The following RAI1 variants were observed in gnomAD, a reference collection of about 807,000 sequenced individuals.
The protein encoded by RAI1 is retinoic acid-induced protein 1.
In RAI1, 9 loss-of-function variants were observed where a neutral mutation model predicts 123.8. The observed-to-expected ratio is 0.07, with a 90% CI of 0.04 to 0.13. The LOEUF is 0.13. Among genes scored for constraint, RAI1 ranks in the 10% least tolerant of loss-of-function variants. The pLI is 1.00. For synonymous variants in RAI1, 1,231 were observed against 1,127.3 expected, an observed-to-expected ratio of 1.09 and a Z score of -1.84; for missense variants, 2,256 against 2,545.8, an observed-to-expected ratio of 0.89 and a Z score of 2.45.
chr17:17,808,365 T>A (rs886790617), intron 4 of RAI1, among the ~76,000 whole-genome samples: 2 of 150,782 alleles, frequency 1.3e-5, no homozygotes, highest in Non-Finnish European at 1.5e-5. Flanking sequence ...TTAAATTTTA[T>A]TTTATTTTAT....
chr17:17,689,004 G>A (rs937592577), intron 1 of RAI1, among the ~76,000 whole-genome samples: 2 of 151,026 alleles, frequency 1.3e-5, no homozygotes, highest in African/African-American at 4.9e-5. Context: ...CGCCCAGACT[G>A]GAGTGCAGTG....
Position 17,800,186 on chromosome 17 carries a change from C to CTCTG in RAI1, c.5565+1676_5565+1677insGTCT, listed in dbSNP as rs59561809. On this transcript the variant is annotated intron_variant, in intron 3 of 5. Transcript: ENST00000353383. This position sits in a 1 kb window ranked among gnomAD's most constrained non-coding sequence, Gnocchi z 4.7. The stretch of plus-strand genomic sequence containing the variant: ...CTGCTTTCTGTCTCTCTCTGTCTCT[C>CTCTG]TCTCTCTCTCTCTCTCTCTCTCTCT... 8.9e-3 allele frequency among the ~76,000 whole-genome samples: 496 copies of CTCTG among 55,492 alleles called. 2 individuals carry two copies. Among genetic ancestry groups the CTCTG allele is most frequent in the East Asian group, 0.059 (18 of 304 alleles). The allele number at this position is 55,492 out of a possible 152,430, so 36.4% of individuals were successfully genotyped here. A position where few individuals can be genotyped will look rare whatever the true frequency, so the allele number is the denominator to read the frequency against.
chr17:17,729,192 G>A (rs1035935240), intron 2 of RAI1, among the ~76,000 whole-genome samples: 2 of 152,236 alleles, frequency 1.3e-5, no homozygotes, highest in Admixed American at 6.5e-5. Context: ...TATCCACACT[G>A]CTGGGTACCT....
rs143628855 is a variant in RAI1, at chr17:17,811,251, A to T, written c.*1270A>T. The T allele has an allele frequency of 2.2e-3, 725 of 330,704 alleles. 2 individuals are homozygous for T. The highest frequency in any genetic ancestry group is 0.015 in the African/African-American group (656 of 45,122). 20.5% of individuals were successfully genotyped at this position (330,704 alleles called of 1,614,324 possible). A position where few individuals can be genotyped will look rare whatever the true frequency, so the allele number is the denominator to read the frequency against. On this transcript the variant is annotated 3_prime_UTR_variant, in exon 6 of 6. Transcript: ENST00000353383. ...TTATATAGTGTATATATATGTATAC[A>T]TATACATATATATAATATATATGAA...
Position 17,793,432 on chromosome 17 carries a change from G to A in RAI1, c.484G>A (p.Ala162Thr), listed in dbSNP as rs781632642. ...CAGCAGGCAGTATGCAGAGCAGGGC[G>A]CCCAGGTGCCCTTTCGGACTCACTC... is the stretch of plus-strand genomic sequence containing the variant. ...PPSRQYAEQG[A>T]QVPFRTHSLH... Residue 162 changes from alanine to threonine, a missense_variant, in exon 3 of 6, where the codon GCC (alanine) becomes ACC (threonine). By Grantham distance (58) the Ala-to-Thr change is moderately conservative. Transcript: ENST00000353383. 1.5e-5 allele frequency: 25 copies of A among 1,613,122 alleles called. No homozygotes were observed. The highest frequency in any genetic ancestry group is 8.8e-5 in the South Asian group (8 of 91,024).
chr17:17,800,180 G>GTCTCTGTCTCTC lies in RAI1; in HGVS notation c.5565+1672_5565+1673insGTCTCTCTCTCT, dbSNP rs2032405799. On this transcript the variant is annotated intron_variant, in intron 3 of 5. Transcript: ENST00000353383. This position sits in a 1 kb window ranked among gnomAD's most constrained non-coding sequence, Gnocchi z 4.7. The stretch of plus-strand genomic sequence containing the variant: ...TCTCTCCTGCTTTCTGTCTCTCTCT[G>GTCTCTGTCTCTC]TCTCTCTCTCTCTCTCTCTCTCTCT... 1.7e-5 allele frequency among the ~76,000 whole-genome samples: 2 copies of GTCTCTGTCTCTC among 116,318 alleles called. No homozygotes were observed. Among genetic ancestry groups the GTCTCTGTCTCTC allele is most frequent in the African/African-American group, 6.0e-5 (2 of 33,338 alleles). The allele number at this position is 116,318 out of a possible 152,430, so 76.3% of individuals were successfully genotyped here. A position where few individuals can be genotyped will look rare whatever the true frequency, so the allele number is the denominator to read the frequency against.
chr17:17,723,514 C>T (rs932984943), intron 1 of RAI1, among the ~76,000 whole-genome samples: 10 of 151,830 alleles, frequency 6.6e-5, no homozygotes, highest in African/African-American at 2.2e-4. Context: ...GACATACACA[C>T]GCCTGCGCGC....
intron 2 of RAI1, among the ~76,000 whole-genome samples, chr17:17,779,814 G>A (rs1053111299): frequency 7.6e-6 from 1 of 132,400 alleles, no homozygotes; most frequent in Non-Finnish European, 1.6e-5. Context: ...TCTCGCCCTT[G>A]CCCAGGCTGG....
chr17:17,734,934 G>A (rs1240123693), intron 2 of RAI1, among the ~76,000 whole-genome samples: 2 of 152,246 alleles, frequency 1.3e-5, no homozygotes, highest in African/African-American at 4.8e-5. Flanking sequence ...CATGGGGCAG[G>A]GAGGAGAGAA....
intron 2 of RAI1, among the ~76,000 whole-genome samples, chr17:17,760,128 C>A (rs1380495643): frequency 6.6e-6 from 1 of 152,200 alleles, no homozygotes. Flanking sequence ...ACTGCCCCCA[C>A]CTGCTGCCAG....
intron 1 of RAI1, among the ~76,000 whole-genome samples, chr17:17,721,087 G>A (rs1915867349): frequency 1.3e-5 from 2 of 152,062 alleles, no homozygotes; most frequent in Admixed American, 6.5e-5. Context: ...CTCACTGAGC[G>A]ACCTGGAATC....
At chr17:17,769,507 G>A (rs376944868) in intron 2 of RAI1, among the ~76,000 whole-genome samples, 6 of 152,256 alleles carry the variant, frequency 3.9e-5, no homozygotes, top group African/African-American at 1.2e-4. Flanking sequence ...CACTGATGGC[G>A]TCATAATGAA....
At chr17:17,711,663 C>T (rs145680356) in intron 1 of RAI1, among the ~76,000 whole-genome samples, 52 of 152,328 alleles carry the variant, frequency 3.4e-4, no homozygotes, top group African/African-American at 1.2e-3. Flanking sequence ...CGTAAAGGAA[C>T]AGTGGCTGTA....
At chr17:17,791,275 A>G (rs567895256) in intron 2 of RAI1, among the ~76,000 whole-genome samples, 1 of 152,292 alleles carries the variant, frequency 6.6e-6, no homozygotes, top group Admixed American at 6.5e-5. Context: ...CCCTGCTCTC[A>G]GGCAGATGGA....
intron 4 of RAI1, among the ~76,000 whole-genome samples, chr17:17,806,809 T>TG (rs2032602229): frequency 6.6e-6 from 1 of 152,210 alleles, no homozygotes; most frequent in African/African-American, 2.4e-5. Flanking sequence ...TACCACGTTC[T>TG]GTTAGCCAAA....
intron 2 of RAI1, among the ~76,000 whole-genome samples, chr17:17,725,217 T>G (rs1389841056): frequency 6.6e-6 from 1 of 152,130 alleles, no homozygotes; most frequent in Non-Finnish European, 1.5e-5. Flanking sequence ...GCTTGGTGAT[T>G]GGCTGGTGAC....
chr17:17,773,210 G>T (rs1216604033), intron 2 of RAI1, among the ~76,000 whole-genome samples: 2 of 152,176 alleles, frequency 1.3e-5, no homozygotes, highest in Admixed American at 1.3e-4. Context: ...TAAGCCTTTG[G>T]CTTTCCATGG....
chr17:17,722,349 C>T (rs1280377115), intron 1 of RAI1, among the ~76,000 whole-genome samples: 1 of 152,286 alleles, frequency 6.6e-6, no homozygotes, highest in Non-Finnish European at 1.5e-5. Flanking sequence ...ATCACAGCCC[C>T]GGGGCTCGGC....
At position 17,705,916 on chromosome 17, in the gene RAI1, C is replaced by T. The variant is rs183992131; in HGVS notation, c.-148-18112C>T. Among the ~76,000 whole-genome samples, 182 of 145,042 alleles carry T rather than the reference C, an allele frequency of 1.3e-3. 2 individuals carry two copies. Among genetic ancestry groups the T allele is most frequent in the Admixed American group, 2.5e-3 (36 of 14,232 alleles). Reference sequence around the variant, plus strand: ...GCGCGTGCCTGTAGTCCCAGCTACTCGGGAGGCTGAGGCAGGAGAATCTCC... The same window carrying T: ...GCGCGTGCCTGTAGTCCCAGCTACTTGGGAGGCTGAGGCAGGAGAATCTCC... On this transcript the variant is annotated intron_variant, in intron 1 of 5. Transcript: ENST00000353383.
Sources: gnomAD v4.1 joint callset for allele counts (sites outside exome capture counted in the v4.1 genomes callset) on GRCh38, gnomAD v4.1.1 for gene constraint, Gnocchi (gnomAD v3.1) non-coding constraint, MANE v1.5 for transcripts, NCBI Gene and HGNC (gene_info 2026-07-23, HGNC 2026-07-21) for gene names.